Variants in HIPK2 observed in about 807,000 individuals in gnomAD.
HIPK2 encodes the protein homeodomain interacting protein kinase 2.
Under a neutral mutation model 113.7 loss-of-function variants are expected in HIPK2, and 27 were observed. That is an observed-to-expected ratio of 0.24 (90% CI 0.17 to 0.33). The LOEUF (loss-of-function observed/expected upper bound fraction) is 0.33, where lower values mean the gene tolerates loss of function less well. Among genes scored for constraint, HIPK2 ranks in the 10% least tolerant of loss-of-function variants. HIPK2 has a pLI of 1.00. For synonymous variants in HIPK2, 631 were observed against 642.2 expected (o/e 0.98, Z 0.26); for missense variants, 1,257 against 1,588.0 (o/e 0.79, Z 3.54).
intron 2 of HIPK2, among the ~76,000 whole-genome samples, chr7:139,665,326 G>A (rs762909938): frequency 1.2e-4 from 18 of 152,134 alleles, no homozygotes; most frequent in Non-Finnish European, 2.1e-4. Context: ...GGTGTGACCC[G>A]CTGTGCCCAG....
intron 6 of HIPK2, 106 bp downstream of exon 6, chr7:139,626,495 G>A (rs1269035541): frequency 2.6e-6 from 3 of 1,153,036 alleles, no homozygotes; most frequent in Middle Eastern, 2.3e-4. Flanking sequence ...AGTGACAGCT[G>A]AGTAGTTGTT....
At chr7:139,632,837 G>A (rs1394010327) in intron 2 of HIPK2, among the ~76,000 whole-genome samples, 6 of 152,010 alleles carry the variant, frequency 3.9e-5, no homozygotes, top group Admixed American at 3.9e-4. Flanking sequence ...CAGCACTTTG[G>A]GAAGCTGAGG....
intron 1 of HIPK2, among the ~76,000 whole-genome samples, chr7:139,766,223 C>T (rs1000880158): frequency 2.0e-5 from 3 of 152,180 alleles, no homozygotes; most frequent in African/African-American, 4.8e-5. Context: ...AGTGTTACTA[C>T]AGGGATTCAA....
At chr7:139,764,704 T>C (rs1327964413) in intron 1 of HIPK2, among the ~76,000 whole-genome samples, 2 of 152,096 alleles carry the variant, frequency 1.3e-5, no homozygotes, top group African/African-American at 4.8e-5. Context: ...GAGGGAGCAT[T>C]GAAAACCTGG....
chr7:139,688,811 A>G (rs192222347), intron 2 of HIPK2, among the ~76,000 whole-genome samples: 1 of 152,320 alleles, frequency 6.6e-6, no homozygotes, highest in Admixed American at 6.5e-5. Context: ...AATGTTCATT[A>G]TAAGACGGAT....
In HIPK2 at chr7:139,584,000, C is replaced by T. The variant is rs777181124; in HGVS notation, c.2782G>A (p.Asp928Asn). 29 of 1,613,458 alleles carry T rather than the reference C, an allele frequency of 1.8e-5. No homozygotes were observed. The highest frequency in any genetic ancestry group is 4.0e-5 in the African/African-American group (3 of 74,898). ...TAGGGGCTGGTGTTGCTGGAGGAGT[C>T]GGAGTAGGGGGAGTCGTGGACTGTG... is the stretch of plus-strand genomic sequence containing the variant. ...CVTVHDSPYSDSSSNTSPYSV... is the reference protein window; with the variant it reads ...CVTVHDSPYSNSSSNTSPYSV... The change falls in exon 13 of 15, where the codon GAC (aspartate) becomes AAC (asparagine). Residue 928 changes from aspartate to asparagine, a missense_variant. Physicochemically the swap from Asp to Asn is conservative, Grantham distance 23. This residue lies in a region of HIPK2 where 862 missense variants were observed against 1,004.3 expected (regional missense o/e 0.86). Transcript: ENST00000406875.
At chr7:139,591,564 G>A (rs1799026529) in intron 12 of HIPK2, among the ~76,000 whole-genome samples, 1 of 152,200 alleles carries the variant, frequency 6.6e-6, no homozygotes, top group Admixed American at 6.5e-5. Flanking sequence ...TAATGTGACA[G>A]CAGCTGGGGA....
Position 139,717,098 on chromosome 7 carries a change from T to C in HIPK2, c.20-83A>G, listed in dbSNP as rs1227017055. 3 of 1,483,958 alleles carry C rather than the reference T, an allele frequency of 2.0e-6. No individual in the cohort carries two copies. The African/African-American group carries it at 4.2e-5, about 21-fold the overall frequency. 91.9% of individuals were successfully genotyped at this position (1,483,958 alleles called of 1,614,324 possible). A position where few individuals can be genotyped will look rare whatever the true frequency, so the allele number is the denominator to read the frequency against. On this transcript the variant is annotated intron_variant, in intron 1 of 14. Coordinates refer to ENST00000406875, the MANE Select transcript of HIPK2 (RefSeq NM_022740.5). ...CAACAGATCCCCTTCAGTTCTCATC[T>C]GTGGCTTGGGCCATACAGAATATAT...
chr7:139,642,560 G>C (rs537022650), intron 2 of HIPK2, among the ~76,000 whole-genome samples: 2 of 152,224 alleles, frequency 1.3e-5, no homozygotes, highest in African/African-American at 2.4e-5. Flanking sequence ...ACCATGCCTA[G>C]GGGGATCCAG....
chr7:139,693,914 G>A (rs1437519490), intron 2 of HIPK2, among the ~76,000 whole-genome samples: 1 of 152,158 alleles, frequency 6.6e-6, no homozygotes, highest in African/African-American at 2.4e-5. Flanking sequence ...AATGCTTGCT[G>A]CAAACTGAAC....
intron 1 of HIPK2, among the ~76,000 whole-genome samples, chr7:139,749,669 G>A (rs1022625251): frequency 3.9e-5 from 6 of 152,174 alleles, no homozygotes; most frequent in Admixed American, 6.5e-5. Context: ...GAGAAGACTC[G>A]GGCTTAGAGC....
intron 9 of HIPK2, among the ~76,000 whole-genome samples, chr7:139,609,497 T>C (rs1442912695): frequency 6.6e-6 from 1 of 152,312 alleles, no homozygotes; most frequent in Non-Finnish European, 1.5e-5. Flanking sequence ...ATTTTCAGTA[T>C]TTAGAGAAAA....
intron 12 of HIPK2, among the ~76,000 whole-genome samples, chr7:139,586,513 A>G (rs978659456): frequency 6.6e-6 from 1 of 152,108 alleles, no homozygotes. Context: ...TCATGCCTGT[A>G]ATCTCGGTGC....
At chr7:139,601,189 G>T (rs2116688767) in intron 10 of HIPK2, among the ~76,000 whole-genome samples, 2 of 151,622 alleles carry the variant, frequency 1.3e-5, no homozygotes, top group South Asian at 2.1e-4. Flanking sequence ...GGTTGCATGA[G>T]CCGAGATTGT....
chr7:139,711,357 G>C (rs1223504270), intron 2 of HIPK2, among the ~76,000 whole-genome samples: 1 of 152,146 alleles, frequency 6.6e-6, no homozygotes, highest in Non-Finnish European at 1.5e-5. Context: ...GAACCTGGGA[G>C]GCGGAGTTTG....
At chr7:139,578,950 AGGC>A (rs1798579339) in intron 13 of HIPK2, among the ~76,000 whole-genome samples, 1 of 152,218 alleles carries the variant, frequency 6.6e-6, no homozygotes, top group African/African-American at 2.4e-5. Flanking sequence ...CTGGGATTAT[AGGC>A]GTGAGCCACC....
At chr7:139,747,982 T>G (rs1427142093) in intron 1 of HIPK2, among the ~76,000 whole-genome samples, 1 of 152,190 alleles carries the variant, frequency 6.6e-6, no homozygotes, top group Non-Finnish European at 1.5e-5. Flanking sequence ...GAAAGCTCTA[T>G]CAGGCAGAGC....
At chr7:139,668,126 C>CAAAAA (rs35566561) in intron 2 of HIPK2, among the ~76,000 whole-genome samples, 2 of 55,656 alleles carry the variant, frequency 3.6e-5, no homozygotes, top group Non-Finnish European at 3.7e-5. Flanking sequence ...AACTCCATCT[C>CAAAAA]AAAAAAAAAA....
At chr7:139,656,181 C>T (rs2116509995) in intron 2 of HIPK2, among the ~76,000 whole-genome samples, 1 of 152,224 alleles carries the variant, frequency 6.6e-6, no homozygotes, top group Middle Eastern at 3.4e-3. Context: ...CATCTACCAC[C>T]AGGCAGATGC....
Sources: allele counts gnomAD v4.1 joint callset (sites outside exome capture counted in the v4.1 genomes callset), GRCh38; gene constraint gnomAD v4.1.1; regional missense constraint gnomAD v4.1.1; transcripts MANE v1.5; gene names NCBI Gene and HGNC (gene_info 2026-07-23, HGNC 2026-07-21).